TMEM229B: variants seen among roughly 807,000 people sequenced by gnomAD.
TMEM229B encodes transmembrane protein 229B.
A neutral mutation model predicts 13.7 loss-of-function variants in TMEM229B; 6 were observed. The ratio of observed to expected loss-of-function variants is 0.44; its 90% CI spans 0.24 to 0.86. The LOEUF is 0.86. Among genes scored for constraint, TMEM229B ranks in the 40% least tolerant of loss-of-function variants. The probability of loss-of-function intolerance (pLI) is 0.23; values close to 1 mark genes in which losing one functional copy is unlikely to be tolerated. For synonymous variants in TMEM229B, 107 were observed against 102.1 expected, an observed-to-expected ratio of 1.05 and a Z score of -0.29; for missense variants, 170 against 236.0, an observed-to-expected ratio of 0.72 and a Z score of 1.83.
At chr14:67,492,578 G>T (rs1329872412), upstream of TMEM229B, among the ~76,000 whole-genome samples, 1 of 152,178 alleles carries the variant, frequency 6.6e-6, no homozygotes, top group East Asian at 1.9e-4. Flanking sequence ...AAGTGATGGG[G>T]ACCCTGCCCC....
At chr14:67,517,478 C>G (rs954093186), upstream of TMEM229B, among the ~76,000 whole-genome samples, 3 of 152,082 alleles carry the variant, frequency 2.0e-5, no homozygotes, top group East Asian at 5.8e-4. Flanking sequence ...ACATTGAGGT[C>G]AAAGAAAAAT....
rs1002121090 is a variant in TMEM229B at position 67,473,179 on chromosome 14, G to A, written c.*241C>T. 5 of 547,326 alleles carry A rather than the reference G, an allele frequency of 9.1e-6. No homozygotes were observed. Among genetic ancestry groups the A allele is most frequent in the South Asian group, 2.1e-5 (1 of 47,626 alleles). 33.9% of individuals were successfully genotyped at this position (547,326 alleles called of 1,614,324 possible). A position where few individuals can be genotyped will look rare whatever the true frequency, so the allele number is the denominator to read the frequency against. ...GCCTCCTGGTACCAACCCCTGAACT[G>A]GGCCGCGATCCATGGACCCTTCCCA... is the stretch of plus-strand genomic sequence containing the variant. On this transcript the variant is annotated 3_prime_UTR_variant, in exon 3 of 3. Transcript: ENST00000554480. This position sits in a 1 kb window ranked among gnomAD's most constrained non-coding sequence, Gnocchi z 6.5.
chr14:67,478,963 G>T (rs750131415), intron 2 of TMEM229B, among the ~76,000 whole-genome samples: 4 of 152,154 alleles, frequency 2.6e-5, no homozygotes, highest in Admixed American at 1.3e-4. Flanking sequence ...ATTCTGCAAA[G>T]GCATGCATAT....
chr14:67,532,220 T>G (rs1449658453), intron 1 of TMEM229B, among the ~76,000 whole-genome samples: 2 of 152,142 alleles, frequency 1.3e-5, no homozygotes, highest in African/African-American at 4.8e-5. Flanking sequence ...TAGTTAGAGA[T>G]TCAGATTCAA....
chr14:67,499,121 G>A (rs2140183846), intron 1 of TMEM229B, among the ~76,000 whole-genome samples: 1 of 152,168 alleles, frequency 6.6e-6, no homozygotes, highest in African/African-American at 2.4e-5. Context: ...TCCTGCCTTA[G>A]CCTCCTAAGT....
intron 2 of TMEM229B, among the ~76,000 whole-genome samples, chr14:67,483,428 T>A (rs1207631849): frequency 6.6e-6 from 1 of 152,196 alleles, no homozygotes; most frequent in African/African-American, 2.4e-5. Context: ...GACTGCAGGC[T>A]CCTCTGAGGG....
At chr14:67,529,588 C>T (rs1301302563) in intron 1 of TMEM229B, among the ~76,000 whole-genome samples, 1 of 152,140 alleles carries the variant, frequency 6.6e-6, no homozygotes, top group Non-Finnish European at 1.5e-5. Context: ...GAGGATTTAG[C>T]CACTGGGCCA....
chr14:67,532,948 C>G (rs1007091866), intron 1 of TMEM229B, among the ~76,000 whole-genome samples: 1 of 152,016 alleles, frequency 6.6e-6, no homozygotes, highest in Admixed American at 6.5e-5. Context: ...CTTGCGGCAG[C>G]TGGTGCGGCC....
intron 1 of TMEM229B, among the ~76,000 whole-genome samples, chr14:67,502,288 G>C (rs1289087007): frequency 1.3e-5 from 2 of 151,416 alleles, no homozygotes; most frequent in African/African-American, 2.4e-5. Flanking sequence ...CCGAGATCGT[G>C]CCATTGTACT....
At chr14:67,530,731 G>T (rs996677627) in intron 1 of TMEM229B, among the ~76,000 whole-genome samples, 1 of 152,190 alleles carries the variant, frequency 6.6e-6, no homozygotes, top group East Asian at 1.9e-4. Context: ...AAGATTATTT[G>T]CCCTTGCATG....
intron 1 of TMEM229B, among the ~76,000 whole-genome samples, chr14:67,511,725 G>A (rs910090634): frequency 4.6e-5 from 7 of 152,184 alleles, no homozygotes; most frequent in Admixed American, 4.6e-4. Flanking sequence ...GCATCACTCT[G>A]TGACCTCCGC....
upstream of TMEM229B, among the ~76,000 whole-genome samples, chr14:67,491,358 A>G (rs982789749): frequency 6.6e-6 from 1 of 152,074 alleles, no homozygotes; most frequent in Admixed American, 6.5e-5. Flanking sequence ...CCTTTCTTGG[A>G]GGTTGGAGGG....
intron 2 of TMEM229B, among the ~76,000 whole-genome samples, chr14:67,484,081 G>A (rs113058978): frequency 8.6e-4 from 131 of 152,306 alleles, no homozygotes; most frequent in African/African-American, 3.1e-3. Context: ...ATATCTCAGG[G>A]ACTTTTGATC....
At chr14:67,514,801 G>A (rs1405825909) in intron 1 of TMEM229B, among the ~76,000 whole-genome samples, 1 of 152,048 alleles carries the variant, frequency 6.6e-6, no homozygotes, top group Non-Finnish European at 1.5e-5. Flanking sequence ...TTGCCAACGC[G>A]CACCCCCTTC....
At chr14:67,497,539 A>C (rs1400785993) in intron 1 of TMEM229B, among the ~76,000 whole-genome samples, 5 of 152,158 alleles carry the variant, frequency 3.3e-5, no homozygotes, top group Admixed American at 2.6e-4. Context: ...ACTCTCCCAC[A>C]TGACTTTGGA....
rs529021941 is a variant in TMEM229B, at chr14:67,501,677, C to T, written c.-192+13409G>A. ...ATGTTTGAAGAGCCCAAAGACCTGT[C>T]CTGCTCCAGTGCCAAAGGCATCTCT... On this transcript the variant is annotated intron_variant, in intron 1 of 2. Coordinates refer to the TMEM229B transcript ENST00000357461. 2.6e-5 allele frequency among the ~76,000 whole-genome samples: 4 copies of T among 152,344 alleles called. No individual in the cohort carries two copies. In the East Asian group the frequency reaches 7.7e-4, roughly 29 times the overall value.
chr14:67,489,527 T>A (rs989038010), upstream of TMEM229B, among the ~76,000 whole-genome samples: 15 of 152,188 alleles, frequency 9.9e-5, no homozygotes, highest in African/African-American at 3.4e-4. Flanking sequence ...TCAAGCACTG[T>A]CATCTCTCCT....
chr14:67,496,851 A>G (rs749678725), intron 1 of TMEM229B, among the ~76,000 whole-genome samples: 1 of 149,490 alleles, frequency 6.7e-6, no homozygotes, highest in Non-Finnish European at 1.5e-5. Flanking sequence ...AGGCTGGGGT[A>G]CAGTGGCGCA....
At chr14:67,497,225 C>A (rs1019373253) in intron 1 of TMEM229B, among the ~76,000 whole-genome samples, 1 of 152,038 alleles carries the variant, frequency 6.6e-6, no homozygotes, top group East Asian at 1.9e-4. Flanking sequence ...TCTGGGGTCA[C>A]GGGAGGGCAG....
Sources: allele counts gnomAD v4.1 joint callset (sites outside exome capture counted in the v4.1 genomes callset), GRCh38; gene constraint gnomAD v4.1.1; non-coding constraint Gnocchi (gnomAD v3.1); transcripts MANE v1.5; gene names NCBI Gene and HGNC (gene_info 2026-07-23, HGNC 2026-07-21).